WDR7: variants seen among roughly 807,000 people sequenced by gnomAD.
WDR7 encodes WD repeat-containing protein 7.
In WDR7, 46 loss-of-function variants were observed where a neutral mutation model predicts 169.4. The observed-to-expected ratio is 0.27, with a 90% CI of 0.21 to 0.35. The LOEUF (loss-of-function observed/expected upper bound fraction) is 0.35. WDR7 is among the 10% of genes least tolerant of loss of function. The pLI, the probability that WDR7 is intolerant of heterozygous loss-of-function variation, is 1.00. For missense variants in WDR7, 1,534 were observed against 1,859.3 expected, an observed-to-expected ratio of 0.83 and a Z score of 3.22; for synonymous variants, 612 against 666.8, an observed-to-expected ratio of 0.92 and a Z score of 1.27.
At chr18:56,670,182 A>G (rs375844843) in intron 1 of WDR7, among the ~76,000 whole-genome samples, 2 of 152,176 alleles carry the variant, frequency 1.3e-5, no homozygotes, top group South Asian at 4.1e-4. Context: ...AGTCCTTTCT[A>G]GAAGTATTTG....
In WDR7 at chr18:56,983,568, CACAGAG is replaced by C. The variant is rs1407886604; in HGVS notation, c.4164+21041_4164+21046del. Among the ~76,000 whole-genome samples the C allele has an allele frequency of 7.4e-4, 108 of 145,296 alleles. 3 individuals are homozygous for C. In the South Asian group the frequency reaches 0.011, roughly 15 times the overall value. ...TCATATTTCAATAAACACACACACA[CACAGAG>C]AGAGAGAGAGAGAGAGAGAGAGAAA... On this transcript the variant is annotated intron_variant, in intron 26 of 27. Coordinates refer to ENST00000254442, the MANE Select transcript of WDR7 (RefSeq NM_015285.3).
At chr18:56,709,071 A>G (rs1387772396) in intron 12 of WDR7, among the ~76,000 whole-genome samples, 2 of 152,258 alleles carry the variant, frequency 1.3e-5, no homozygotes, top group Non-Finnish European at 2.9e-5. Flanking sequence ...AAAGGCATGA[A>G]GTGAAAAATA....
At chr18:56,700,771 G>A (rs556204604) in intron 12 of WDR7, among the ~76,000 whole-genome samples, 2,290 of 142,666 alleles carry the variant, frequency 0.016, 19 homozygotes, top group Non-Finnish European at 0.023. Flanking sequence ...GGGTTTCACC[G>A]TGTTAGCCAG....
At chr18:56,698,100 CAGG>C (rs1245254898) in intron 12 of WDR7, among the ~76,000 whole-genome samples, 1 of 151,752 alleles carries the variant, frequency 6.6e-6, no homozygotes, top group Non-Finnish European at 1.5e-5. Flanking sequence ...GAGGCTGAGG[CAGG>C]AGAATTGCTT....
At chr18:56,739,316 A>C (rs983231457) in intron 14 of WDR7, among the ~76,000 whole-genome samples, 7 of 152,168 alleles carry the variant, frequency 4.6e-5, no homozygotes, top group African/African-American at 1.4e-4. Flanking sequence ...GATTGTAAGT[A>C]CATCTTTGAC....
At chr18:57,023,040 G>A (rs722091) in intron 27 of WDR7, among the ~76,000 whole-genome samples, 43,146 of 152,106 alleles carry the variant, frequency 0.28, 7,013 homozygotes, top group East Asian at 0.77. Context: ...AACCAATGTC[G>A]GAATTTAACA....
chr18:57,017,741 T>C (rs567184300), intron 26 of WDR7, among the ~76,000 whole-genome samples: 1 of 152,316 alleles, frequency 6.6e-6, no homozygotes, highest in East Asian at 1.9e-4. Context: ...GTTATGTAAT[T>C]ATTGTTACAT....
chr18:56,804,087 C>G (rs547835682), intron 19 of WDR7, among the ~76,000 whole-genome samples: 1 of 152,360 alleles, frequency 6.6e-6, no homozygotes, highest in Non-Finnish European at 1.5e-5. Flanking sequence ...TGAGCCACCA[C>G]ACCTGGCCCA....
intron 26 of WDR7, chr18:57,010,147 T>G: frequency 1.0e-6 from 1 of 985,482 alleles, no homozygotes; most frequent in Non-Finnish European, 1.2e-6. Context: ...TTTATTTTCA[T>G]AGCACAGTAT....
At chr18:57,016,230 T>C (rs992039752) in intron 26 of WDR7, among the ~76,000 whole-genome samples, 1 of 152,072 alleles carries the variant, frequency 6.6e-6, no homozygotes, top group Non-Finnish European at 1.5e-5. Context: ...CCCCTCAAGA[T>C]CTTGGGGGTC....
chr18:56,808,413 C>T (rs2044812595), intron 19 of WDR7, among the ~76,000 whole-genome samples: 1 of 152,064 alleles, frequency 6.6e-6, no homozygotes, highest in African/African-American at 2.4e-5. Context: ...TTTTCAATCT[C>T]AGTGGAAATC....
At chr18:57,002,907 C>T (rs1331269597) in intron 26 of WDR7, among the ~76,000 whole-genome samples, 1 of 152,200 alleles carries the variant, frequency 6.6e-6, no homozygotes, top group African/African-American at 2.4e-5. Context: ...TTCAAGGTCA[C>T]TCACTGTTGT....
chr18:56,998,087 A>T (rs534060105), intron 26 of WDR7, among the ~76,000 whole-genome samples: 2 of 152,266 alleles, frequency 1.3e-5, no homozygotes, highest in South Asian at 4.1e-4. Flanking sequence ...TCAGGTGTAT[A>T]TTTGGACATC....
intron 26 of WDR7, among the ~76,000 whole-genome samples, chr18:56,970,222 AT>A (rs923492454): frequency 2.1e-5 from 3 of 145,760 alleles, no homozygotes; most frequent in Admixed American, 6.8e-5. Context: ...CTTTCTTAGG[AT>A]TTTTTTTGGT....
At chr18:56,828,268 T>A (rs1227862401) in intron 20 of WDR7, among the ~76,000 whole-genome samples, 2 of 152,256 alleles carry the variant, frequency 1.3e-5, no homozygotes, top group African/African-American at 4.8e-5. Flanking sequence ...TATATTGATT[T>A]CTTTTATCAC....
intron 19 of WDR7, among the ~76,000 whole-genome samples, chr18:56,805,585 C>A (rs940063299): frequency 1.3e-5 from 2 of 152,106 alleles, no homozygotes; most frequent in African/African-American, 4.8e-5. Flanking sequence ...TCTTTAACAA[C>A]TGCTTCTGGC....
At chr18:56,706,852 T>G (rs1446489834) in intron 12 of WDR7, among the ~76,000 whole-genome samples, 1 of 150,726 alleles carries the variant, frequency 6.6e-6, no homozygotes, top group Admixed American at 6.6e-5. Flanking sequence ...CACACCCAGC[T>G]AATTTTTGTA....
At chr18:56,962,079 A>G (rs969811315) in intron 25 of WDR7, among the ~76,000 whole-genome samples, 2 of 152,116 alleles carry the variant, frequency 1.3e-5, no homozygotes, top group African/African-American at 2.4e-5. Context: ...AACTATTTGC[A>G]TAGTAGTCAC....
intron 16 of WDR7, among the ~76,000 whole-genome samples, chr18:56,764,022 T>G (rs1036846739): frequency 6.6e-6 from 1 of 152,056 alleles, no homozygotes; most frequent in East Asian, 1.9e-4. Context: ...TTCATTGATA[T>G]CTATTATTTT....
Sources: allele counts gnomAD v4.1 joint callset (sites outside exome capture counted in the v4.1 genomes callset), GRCh38; gene constraint gnomAD v4.1.1; transcripts MANE v1.5; gene names NCBI Gene and HGNC (gene_info 2026-07-23, HGNC 2026-07-21).